ADAT1: variants seen among roughly 807,000 people sequenced by gnomAD.
The protein encoded by ADAT1 is adenosine deaminase tRNA specific 1.
In ADAT1, 58 loss-of-function variants were observed where a neutral mutation model predicts 58.6. The observed-to-expected ratio is 0.99, with a 90% CI of 0.80 to 1.23. ADAT1 has a LOEUF of 1.23. Among genes scored for constraint, ADAT1 ranks in the 50% most tolerant of loss-of-function variants. The probability of loss-of-function intolerance (pLI) is 0.00; values close to 1 mark genes in which losing one functional copy is unlikely to be tolerated. For synonymous variants in ADAT1, 254 were observed against 220.8 expected, an observed-to-expected ratio of 1.15 and a Z score of -1.33; for missense variants, 741 against 608.6, an observed-to-expected ratio of 1.22 and a Z score of -2.29.
At chr16:75,604,618 C>T (rs1185035587) in intron 8 of ADAT1, among the ~76,000 whole-genome samples, 3 of 150,704 alleles carry the variant, frequency 2.0e-5, no homozygotes, top group Non-Finnish European at 2.9e-5. Flanking sequence ...AACTAGGACT[C>T]GGGAAGAGTA....
At chr16:75,609,091 G>A (rs2081446790) in intron 6 of ADAT1, 103 bp from the exon 7 acceptor site, 1 of 1,361,940 alleles carries the variant, frequency 7.3e-7, no homozygotes, top group Non-Finnish European at 1.0e-6. Flanking sequence ...GCAGGTGTGG[G>A]GATTTGTTTA....
At chr16:75,618,524 AAGT>A in intron 4 of ADAT1, 59 bp downstream of exon 4, 1 of 1,277,134 alleles carries the variant, frequency 7.8e-7, no homozygotes. Context: ...AAAAAAAAAA[AAGT>A]AAATTCCGGG....
rs532310304 is a variant in ADAT1 at position 75,608,463 on chromosome 16, G to A, written c.1190-140C>T. On this transcript the variant is annotated intron_variant, in intron 7 of 9. Coordinates refer to ENST00000564657, the MANE Select transcript of ADAT1 (RefSeq NM_001324445.2). ...TCACAGACAATGACTGCTATTGGATGCTTGGCCTCCAGGGTACAGTAGTCT... is the reference window on the plus strand; with the variant it reads ...TCACAGACAATGACTGCTATTGGATACTTGGCCTCCAGGGTACAGTAGTCT... 1.9e-5 allele frequency: 13 copies of A among 698,272 alleles called. No homozygotes were observed. The East Asian group carries it at 2.7e-4, about 15-fold the overall frequency. The allele number at this position is 698,272 out of a possible 1,614,324, so 43.3% of individuals were successfully genotyped here. A position where few individuals can be genotyped will look rare whatever the true frequency, so the allele number is the denominator to read the frequency against.
chr16:75,614,374 C>T (rs1418770415), intron 5 of ADAT1, among the ~76,000 whole-genome samples: 1 of 152,312 alleles, frequency 6.6e-6, no homozygotes. Flanking sequence ...TCTGTCCTTA[C>T]AGGAAACAGA....
In ADAT1 at chr16:75,622,449, C is replaced by T. The variant is rs536763197; in HGVS notation, c.-68G>A. The T allele has an allele frequency of 2.6e-5, 4 of 152,250 alleles. No individual in the cohort carries two copies. In the East Asian group the frequency reaches 7.7e-4, roughly 29 times the overall value. The allele number at this position is 152,250 out of a possible 1,614,324, so 9.4% of individuals were successfully genotyped here. On this transcript the variant is annotated 5_prime_UTR_variant, in exon 1 of 10. It introduces an in-frame stop codon into an upstream open reading frame of the 5' UTR. Transcript: ENST00000564657. ...CACAAGGCAGTATAGTTTATGAAGA[C>T]CACCTGGCCATCGACCTGAAATTAA...
Position 75,608,246 on chromosome 16 carries a change from T to C in ADAT1, c.1267A>G (p.Thr423Ala). The change falls in exon 8 of 10, where the codon ACA becomes GCA. Residue 423 changes from threonine to alanine, a missense_variant. Transcript: ENST00000564657. ...TACCTTGCCTGAAGGCTTCCAATTG[T>C]TTTCTTTGTTGTTCCCTGTGGAAAG... ...NGFPQGTTKK[T>A]IGSLQARSQI... is the part of the protein sequence containing the mutation. The C allele has an allele frequency of 3.7e-6, 6 of 1,614,032 alleles. No homozygotes were observed. The highest frequency in any genetic ancestry group is 1.3e-5 in the African/African-American group (1 of 75,036).
At position 75,599,174 on chromosome 16, in the gene ADAT1, TG is replaced by T. The variant is rs2081156725; in HGVS notation, c.*1041del. 1 of 945,566 alleles carries T rather than the reference TG, an allele frequency of 1.1e-6. No individual in the cohort carries two copies. Among genetic ancestry groups the T allele is most frequent in the African/African-American group, 1.8e-5 (1 of 54,628 alleles). 58.6% of individuals were successfully genotyped at this position (945,566 alleles called of 1,614,324 possible). A position where few individuals can be genotyped will look rare whatever the true frequency, so the allele number is the denominator to read the frequency against. On this transcript the variant is annotated 3_prime_UTR_variant, in exon 10 of 10. Transcript: ENST00000564657. The stretch of plus-strand genomic sequence containing the variant: ...TTTGCTCACCACTACCTCCGCCTCC[TG>T]GGTTCAAGCAATTCTCCTGCCTCAG...
chr16:75,617,091 C>A, intron 5 of ADAT1, 51 bp downstream of exon 5: 2 of 1,561,864 alleles, frequency 1.3e-6, no homozygotes, highest in Non-Finnish European at 8.7e-7. Flanking sequence ...ATAACACAAA[C>A]ATAAGGAAGT....
Position 75,599,030 on chromosome 16 carries a change from G to C in ADAT1, c.*1186C>G, listed in dbSNP as rs2081149574. 2.0e-6 allele frequency: 2 copies of C among 983,900 alleles called. No individual in the cohort carries two copies. The highest frequency in any genetic ancestry group is 2.4e-6 in the Non-Finnish European group (2 of 829,816). 60.9% of individuals were successfully genotyped at this position (983,900 alleles called of 1,614,324 possible). A position where few individuals can be genotyped will look rare whatever the true frequency, so the allele number is the denominator to read the frequency against. On this transcript the variant is annotated 3_prime_UTR_variant, in exon 10 of 10. Transcript: ENST00000564657. Reference sequence around the variant, plus strand: ...AAACATTCGATGTTAAAACAGGATTGGCTGCTGGGTCTATTGCTGATTTGC... The same window carrying C: ...AAACATTCGATGTTAAAACAGGATTCGCTGCTGGGTCTATTGCTGATTTGC...
chr16:75,612,156 G>A (rs2081557744), intron 6 of ADAT1, 87 bp downstream of exon 6: 2 of 1,405,268 alleles, frequency 1.4e-6, no homozygotes, highest in Admixed American at 4.3e-5. Context: ...GGATCAAAAG[G>A]TATGGAGATT....
chr16:75,612,303 G>A lies in ADAT1; in HGVS notation c.983C>T (p.Ala328Val), dbSNP rs1177711186. Residue 328 changes from alanine (A) to valine (V), a missense_variant, in exon 6 of 10, where the codon GCT (alanine) becomes GTT (valine). Transcript: ENST00000564657. ...HLLEEPIYLS[A>V]VVIGKCPYSQ... ...GTATGGGCACTTCCCAATGACCACA[G>A]CTGACAGGTAGATGGGCTCTTCCAG... 1 of 1,614,158 alleles carries A rather than the reference G, an allele frequency of 6.2e-7. No individual in the cohort carries two copies. The highest frequency in any genetic ancestry group is 8.5e-7 in the Non-Finnish European group (1 of 1,180,040).
intron 9 of ADAT1, chr16:75,601,700 GTGAGC>G (rs1447319421): frequency 2.9e-4 from 44 of 152,280 alleles, no homozygotes; most frequent in African/African-American, 1.0e-3. Context: ...GGAGGCTGCA[GTGAGC>G]TGAAATTGTG....
chr16:75,615,518 C>CAAAAAA (rs2081678305), intron 5 of ADAT1, among the ~76,000 whole-genome samples: 1 of 47,906 alleles, frequency 2.1e-5, no homozygotes, highest in African/African-American at 7.3e-5. Flanking sequence ...AAAAAAAAAT[C>CAAAAAA]GCAAGAAAAA....
At position 75,620,657 on chromosome 16, in the gene ADAT1, C is replaced by T; in HGVS notation, c.143G>A (p.Cys48Tyr). ...VKIQSPADKA[C>Y]DTPDKPVQVT... is the part of the protein sequence containing the mutation. ...TTGCACCGGCTTATCAGGGGTGTCG[C>T]AGGCCTTGTCAGCTGGAGATTGTAT... Residue 48 changes from cysteine to tyrosine, a missense_variant, in exon 2 of 10, where the codon TGC (cysteine) becomes TAC (tyrosine). By Grantham distance (194) the Cys-to-Tyr change is radical (BLOSUM62 -2). Coordinates refer to ENST00000564657, the MANE Select transcript of ADAT1 (RefSeq NM_001324445.2). 6.2e-7 allele frequency: 1 copy of T among 1,613,542 alleles called. No homozygotes were observed. Among genetic ancestry groups the T allele is most frequent in the East Asian group, 2.2e-5 (1 of 44,880 alleles).
At chr16:75,617,080 G>A in intron 5 of ADAT1, 62 bp downstream of exon 5, 1 of 1,541,592 alleles carries the variant, frequency 6.5e-7, no homozygotes, top group Non-Finnish European at 8.8e-7. Context: ...CCTACCTATG[G>A]ATAACACAAA....
Position 75,620,708 on chromosome 16 carries a change from C to G in ADAT1, c.92G>C (p.Trp31Ser). Residue 31 changes from tryptophan to serine, a missense_variant, in exon 2 of 10, where the codon TGG becomes TCG. Transcript: ENST00000564657. Reference sequence around the variant, plus strand: ...CTTCACCACCGCTGCCAATAATGTCCACTCATGGTTTGGCTCAGGCTTCCC... The same window carrying G: ...CTTCACCACCGCTGCCAATAATGTCGACTCATGGTTTGGCTCAGGCTTCCC... Reference protein sequence around the residue: ...KKGKPEPNHEWTLLAAVVKIQ... With the variant: ...KKGKPEPNHESTLLAAVVKIQ... The G allele has an allele frequency of 6.2e-7, 1 of 1,614,148 alleles. No homozygotes were observed. The highest frequency in any genetic ancestry group is 1.1e-5 in the South Asian group (1 of 91,074).
rs199611099 is a variant in ADAT1, at chr16:75,618,611, C to T, written c.268G>A (p.Val90Ile). The change falls in exon 4 of 10, where the codon GTC becomes ATC. Residue 90 changes from valine (V) to isoleucine (I), a missense_variant. By Grantham distance (29) the Val-to-Ile change is conservative. Transcript: ENST00000564657. ...CTTTGGAAACTCCTTCTGGCTATGACCTCAGCATGGCTATCATTGAGGATG... is the reference window on the plus strand; with the variant it reads ...CTTTGGAAACTCCTTCTGGCTATGATCTCAGCATGGCTATCATTGAGGATG... ...GDILNDSHAE[V>I]IARRSFQRYL... is the part of the protein sequence containing the mutation. 3.6e-4 allele frequency: 586 copies of T among 1,611,790 alleles called. 1 individual carries two copies. The highest frequency in any genetic ancestry group is 4.6e-4 in the Non-Finnish European group (546 of 1,178,974).
chr16:75,605,807 GGC>G (rs1360986005), intron 8 of ADAT1, among the ~76,000 whole-genome samples: 8 of 151,648 alleles, frequency 5.3e-5, no homozygotes, highest in Admixed American at 3.9e-4. Flanking sequence ...TGAGATGGCA[GGC>G]GCCTGTAATC....
chr16:75,599,785 G>C lies in ADAT1; in HGVS notation c.*431C>G. Reference sequence around the variant, plus strand: ...AATGGGAAAAGAATGGCTCCCTGAAGAAAGAAAGGCTGGGAATACAAAATA... The same window carrying C: ...AATGGGAAAAGAATGGCTCCCTGAACAAAGAAAGGCTGGGAATACAAAATA... On this transcript the variant is annotated 3_prime_UTR_variant, in exon 10 of 10. Transcript: ENST00000564657. 1 of 992,804 alleles carries C rather than the reference G, an allele frequency of 1.0e-6. No homozygotes were observed. The highest frequency in any genetic ancestry group is 1.2e-6 in the Non-Finnish European group (1 of 834,374). The allele number at this position is 992,804 out of a possible 1,614,324, so 61.5% of individuals were successfully genotyped here. A position where few individuals can be genotyped will look rare whatever the true frequency, so the allele number is the denominator to read the frequency against.
Sources: allele counts gnomAD v4.1 joint callset (sites outside exome capture counted in the v4.1 genomes callset), GRCh38; gene constraint gnomAD v4.1.1; transcripts MANE v1.5; gene names NCBI Gene and HGNC (gene_info 2026-07-23, HGNC 2026-07-21).